PCGF5: variants seen among roughly 807,000 people sequenced by gnomAD.
The protein encoded by PCGF5 is polycomb group ring finger 5.
A neutral mutation model predicts 44.3 loss-of-function variants in PCGF5; 9 were observed. The ratio of observed to expected loss-of-function variants is 0.20; its 90% CI spans 0.12 to 0.35. The LOEUF is 0.35. PCGF5 is among the 10% of genes least tolerant of loss of function. The pLI, the probability that PCGF5 is intolerant of heterozygous loss-of-function variation, is 1.00. For synonymous variants in PCGF5, 95 were observed against 102.5 expected (o/e 0.93, Z 0.44); for missense variants, 146 against 305.3 (o/e 0.48, Z 3.89).
rs1844164320 is a variant in PCGF5, at chr10:91,197,691, T to C, written c.-183-24998T>C. On this transcript the variant is annotated intron_variant, in intron 1 of 9. Transcript: ENST00000614189. Reference sequence around the variant, plus strand: ...GAAAATGGGTTTCTTTACTGACTCCTCTGTCAACCGGTACTGGACATCATC... The same window carrying C: ...GAAAATGGGTTTCTTTACTGACTCCCCTGTCAACCGGTACTGGACATCATC... Among the ~76,000 whole-genome samples the C allele has an allele frequency of 3.8e-5, 4 of 104,122 alleles. No homozygotes were observed. In the South Asian group the frequency reaches 1.3e-3, roughly 33 times the overall value. The allele number at this position is 104,122 out of a possible 152,430, so 68.3% of individuals were successfully genotyped here. A position where few individuals can be genotyped will look rare whatever the true frequency, so the allele number is the denominator to read the frequency against.
chr10:91,221,090 C>T (rs921275993), intron 1 of PCGF5, among the ~76,000 whole-genome samples: 4 of 151,240 alleles, frequency 2.6e-5, no homozygotes, highest in Non-Finnish European at 4.4e-5. Context: ...GAGCAGCGCG[C>T]CCGCGGGGCC....
intron 1 of PCGF5, among the ~76,000 whole-genome samples, chr10:91,187,983 A>T (rs972548205): frequency 6.6e-6 from 1 of 151,342 alleles, no homozygotes; most frequent in African/African-American, 2.4e-5. Context: ...ATTTTTTTAA[A>T]TTATTATTAT....
the PCGF5 span, among the ~76,000 whole-genome samples, chr10:91,157,761 T>C: frequency 6.6e-6 from 1 of 152,320 alleles, no homozygotes; most frequent in South Asian, 2.1e-4. Flanking sequence ...TAAGGACACA[T>C]GATAAGAGGA....
chr10:91,186,542 GTATA>G (rs59771061), intron 1 of PCGF5, among the ~76,000 whole-genome samples: 3,990 of 147,796 alleles, frequency 0.027, 83 homozygotes, highest in Non-Finnish European at 0.043. Context: ...GTGTGTGTGT[GTATA>G]TATATATATA....
intron 1 of PCGF5, among the ~76,000 whole-genome samples, chr10:91,206,675 C>T (rs987578306): frequency 7.9e-5 from 12 of 152,280 alleles, no homozygotes; most frequent in Non-Finnish European, 1.3e-4. Context: ...AGGGTGAAGT[C>T]TCAGTAACAG....
chr10:91,275,443 T>A (rs1291578332), intron 9 of PCGF5, among the ~76,000 whole-genome samples: 1 of 134,666 alleles, frequency 7.4e-6, no homozygotes, highest in East Asian at 2.0e-4. Context: ...AAACTACATT[T>A]TATTTTTTTT....
intron 1 of PCGF5, among the ~76,000 whole-genome samples, chr10:91,167,049 A>G (rs191776252): frequency 6.6e-6 from 1 of 152,330 alleles, no homozygotes; most frequent in African/African-American, 2.4e-5. Flanking sequence ...CCAATAAAGA[A>G]ATATACAGTT....
chr10:91,193,626 G>A (rs1844075356), intron 1 of PCGF5, among the ~76,000 whole-genome samples: 1 of 152,074 alleles, frequency 6.6e-6, no homozygotes, highest in Non-Finnish European at 1.5e-5. Flanking sequence ...TGGATGGAGG[G>A]TGGAGACCAT....
chr10:91,215,292 C>T (rs1047774533), upstream of PCGF5, among the ~76,000 whole-genome samples: 4 of 152,268 alleles, frequency 2.6e-5, no homozygotes, highest in East Asian at 1.9e-4. Flanking sequence ...ATCAAAGCCT[C>T]GTCTTTTATA....
intron 1 of PCGF5, among the ~76,000 whole-genome samples, chr10:91,186,586 G>GTA (rs1329765799): frequency 6.8e-4 from 79 of 116,710 alleles, no homozygotes; most frequent in African/African-American, 2.0e-3. Context: ...ATATGTGTGT[G>GTA]TATATATATG....
At chr10:91,272,882 A>G (rs1193257543) in intron 9 of PCGF5, among the ~76,000 whole-genome samples, 1 of 152,230 alleles carries the variant, frequency 6.6e-6, no homozygotes, top group Admixed American at 6.5e-5. Context: ...GATAATTGTA[A>G]TTACATAACA....
chr10:91,177,414 C>G (rs1260905458), intron 1 of PCGF5, among the ~76,000 whole-genome samples: 1 of 152,202 alleles, frequency 6.6e-6, no homozygotes, highest in African/African-American at 2.4e-5. Flanking sequence ...GCTGGGAGAA[C>G]CACTACTGTC....
intron 6 of PCGF5, among the ~76,000 whole-genome samples, chr10:91,255,730 G>T (rs1165300673): frequency 6.6e-6 from 1 of 152,008 alleles, no homozygotes; most frequent in Non-Finnish European, 1.5e-5. Context: ...AAAATGTCTA[G>T]TTTCAACAAC....
intron 6 of PCGF5, among the ~76,000 whole-genome samples, chr10:91,258,801 A>G (rs1293735052): frequency 1.3e-5 from 2 of 152,106 alleles, no homozygotes; most frequent in South Asian, 4.1e-4. Flanking sequence ...TGGATATTTT[A>G]TCATCTGTAT....
At chr10:91,230,091 TTAGA>T (rs1403131246) in intron 2 of PCGF5, among the ~76,000 whole-genome samples, 1 of 152,192 alleles carries the variant, frequency 6.6e-6, no homozygotes, top group Non-Finnish European at 1.5e-5. Context: ...AAACTATGTA[TTAGA>T]TAGCAAGGAA....
chr10:91,232,170 G>A (rs1845024921), intron 2 of PCGF5, among the ~76,000 whole-genome samples: 1 of 152,106 alleles, frequency 6.6e-6, no homozygotes, highest in South Asian at 2.1e-4. Context: ...ACTGTGTTAA[G>A]TGGGTTGAGT....
rs1846417887 is a variant in PCGF5, at chr10:91,280,143, T to C, written c.*1827T>C. Reference sequence around the variant, plus strand: ...ACTATAAATGGCTGAAAAAACTGAATTTACTATCTAGCTACAGAAATTATT... The same window carrying C: ...ACTATAAATGGCTGAAAAAACTGAACTTACTATCTAGCTACAGAAATTATT... On this transcript the variant is annotated 3_prime_UTR_variant, in exon 10 of 10. Coordinates refer to ENST00000336126, the MANE Select transcript of PCGF5 (RefSeq NM_032373.5). 6.6e-6 allele frequency: 1 copy of C among 152,034 alleles called. No homozygotes were observed. The highest frequency in any genetic ancestry group is 2.4e-5 in the African/African-American group (1 of 41,444). 9.4% of individuals were successfully genotyped at this position (152,034 alleles called of 1,614,324 possible).
intron 1 of PCGF5, among the ~76,000 whole-genome samples, chr10:91,179,896 C>A (rs892339445): frequency 2.0e-5 from 3 of 152,128 alleles, no homozygotes; most frequent in Non-Finnish European, 4.4e-5. Context: ...AATGGTATTT[C>A]TATCTTTAGG....
chr10:91,171,599 A>G (rs1382295295), intron 1 of PCGF5, among the ~76,000 whole-genome samples: 4 of 152,202 alleles, frequency 2.6e-5, no homozygotes, highest in African/African-American at 9.7e-5. Flanking sequence ...TAGGAAGGCA[A>G]GTGACACTAG....
Sources: allele counts gnomAD v4.1 joint callset (sites outside exome capture counted in the v4.1 genomes callset), GRCh38; gene constraint gnomAD v4.1.1; transcripts MANE v1.5; gene names NCBI Gene and HGNC (gene_info 2026-07-23, HGNC 2026-07-21).